The following SLC44A5 variants were observed in gnomAD, a reference collection of about 807,000 sequenced individuals.
The protein encoded by SLC44A5 is solute carrier family 44 member 5.
SLC44A5 carries 57 observed loss-of-function variants against 101.8 expected under a neutral mutation model. That is an observed-to-expected ratio of 0.56 (90% CI 0.45 to 0.70). The LOEUF (loss-of-function observed/expected upper bound fraction) is 0.70. Among genes scored for constraint, SLC44A5 ranks in the 30% least tolerant of loss-of-function variants. The probability of loss-of-function intolerance (pLI) is 0.00; values close to 1 mark genes in which losing one functional copy is unlikely to be tolerated. For missense variants in SLC44A5, 737 were observed against 853.1 expected (o/e 0.86, Z 1.70); for synonymous variants, 281 against 290.9 (o/e 0.97, Z 0.35).
At chr1:75,448,325 C>G (rs1466929946) in intron 2 of SLC44A5, among the ~76,000 whole-genome samples, 1 of 152,124 alleles carries the variant, frequency 6.6e-6, no homozygotes, top group Non-Finnish European at 1.5e-5. Context: ...CATGTCCCAG[C>G]CCATGGGAAG....
chr1:75,238,004 G>C (rs2100586877), intron 10 of SLC44A5, among the ~76,000 whole-genome samples: 1 of 150,816 alleles, frequency 6.6e-6, no homozygotes, highest in South Asian at 2.1e-4. Context: ...TGTGTGTAGA[G>C]CCAAGGGACG....
At chr1:75,614,849 GC>G (rs1488870789), upstream of SLC44A5, among the ~76,000 whole-genome samples, 3 of 152,096 alleles carry the variant, frequency 2.0e-5, no homozygotes, top group African/African-American at 7.2e-5. Flanking sequence ...ATGGTGTCGA[GC>G]CCACTTCCAC....
intron 18 of SLC44A5, among the ~76,000 whole-genome samples, chr1:75,216,815 C>T (rs920318051): frequency 1.3e-5 from 2 of 151,854 alleles, no homozygotes; most frequent in African/African-American, 4.8e-5. Context: ...TATTATTTTG[C>T]TGTTGAGTTG....
At chr1:75,450,371 A>G (rs1362621175) in intron 2 of SLC44A5, among the ~76,000 whole-genome samples, 1 of 152,194 alleles carries the variant, frequency 6.6e-6, no homozygotes, top group African/African-American at 2.4e-5. Context: ...GTTGAGAGCT[A>G]GATGTCATTT....
chr1:75,492,229 T>C (rs1347320874), intron 2 of SLC44A5, among the ~76,000 whole-genome samples: 1 of 152,198 alleles, frequency 6.6e-6, no homozygotes, highest in East Asian at 1.9e-4. Context: ...ACATCATGTG[T>C]AACATTTCAA....
At chr1:75,677,843 T>C in the SLC44A5 span, 3 of 380,352 alleles carry the variant, frequency 7.9e-6, no homozygotes, top group South Asian at 3.9e-5. Context: ...CATTTCCATC[T>C]GAGGTACCGG....
intron 4 of SLC44A5, among the ~76,000 whole-genome samples, chr1:75,339,102 C>T (rs1252244070): frequency 6.6e-6 from 1 of 152,182 alleles, no homozygotes; most frequent in Admixed American, 6.5e-5. Flanking sequence ...TTTAAACTAT[C>T]TTAAAGTGCA....
intron 2 of SLC44A5, among the ~76,000 whole-genome samples, chr1:75,466,554 G>A (rs912103360): frequency 2.6e-5 from 4 of 151,638 alleles, no homozygotes; most frequent in Non-Finnish European, 5.9e-5. Context: ...TACTTGGGGG[G>A]CCAAAGCAGG....
At chr1:75,683,631 A>T in the SLC44A5 span, among the ~76,000 whole-genome samples, 1 of 152,304 alleles carries the variant, frequency 6.6e-6, no homozygotes, top group South Asian at 2.1e-4. Flanking sequence ...GGGGAGGGAT[A>T]GCATTGGGAG....
chr1:75,658,122 T>C, the SLC44A5 span, among the ~76,000 whole-genome samples: 1 of 152,130 alleles, frequency 6.6e-6, no homozygotes, highest in African/African-American at 2.4e-5. Context: ...ACAGGGTCTT[T>C]CTCTGTCACC....
chr1:75,282,023 G>A (rs1652640014), intron 5 of SLC44A5, among the ~76,000 whole-genome samples: 1 of 152,138 alleles, frequency 6.6e-6, no homozygotes, highest in Non-Finnish European at 1.5e-5. Context: ...CAGAATGGTA[G>A]GTTCACCAAC....
At chr1:75,697,956 A>G in the SLC44A5 span, among the ~76,000 whole-genome samples, 2 of 152,262 alleles carry the variant, frequency 1.3e-5, no homozygotes, top group South Asian at 2.1e-4. Flanking sequence ...GGCTTAAAAA[A>G]CCATGCACCA....
chr1:75,468,991 A>G (rs1330060269), intron 2 of SLC44A5, among the ~76,000 whole-genome samples: 1 of 152,228 alleles, frequency 6.6e-6, no homozygotes, highest in Non-Finnish European at 1.5e-5. Context: ...AAAATTAAAA[A>G]TGTATATATA....
At chr1:75,303,664 A>G (rs761769730) in intron 4 of SLC44A5, among the ~76,000 whole-genome samples, 1 of 152,204 alleles carries the variant, frequency 6.6e-6, no homozygotes, top group Non-Finnish European at 1.5e-5. Flanking sequence ...CCAAGGAAAC[A>G]CTAAAGCATC....
chr1:75,395,372 T>C (rs1455558235), intron 3 of SLC44A5, among the ~76,000 whole-genome samples: 2 of 152,142 alleles, frequency 1.3e-5, no homozygotes, highest in African/African-American at 4.8e-5. Flanking sequence ...CTGATACATT[T>C]TTTACCTTTT....
chr1:75,223,978 CT>C (rs1647143797), intron 13 of SLC44A5, among the ~76,000 whole-genome samples: 1 of 152,128 alleles, frequency 6.6e-6, no homozygotes, highest in Non-Finnish European at 1.5e-5. Context: ...TTAAAAAACC[CT>C]CTATATCTAA....
rs1387084806 is a variant in SLC44A5 at position 75,202,691 on chromosome 1, A to C, written c.*1036T>G. 6.6e-6 allele frequency: 1 copy of C among 152,208 alleles called. No homozygotes were observed. Among genetic ancestry groups the C allele is most frequent in the Non-Finnish European group, 1.5e-5 (1 of 68,028 alleles). 9.4% of individuals were successfully genotyped at this position (152,208 alleles called of 1,614,324 possible). ...ATGATCATTTAAAAGGGAGCTATTC[A>C]GTACATGACATCTGTGAGCACCCTT... On this transcript the variant is annotated 3_prime_UTR_variant, in exon 24 of 24. Transcript: ENST00000370859.
chr1:75,474,465 TCTC>T (rs2101742021), intron 2 of SLC44A5, among the ~76,000 whole-genome samples: 1 of 152,328 alleles, frequency 6.6e-6, no homozygotes, highest in South Asian at 2.1e-4. Flanking sequence ...ATGCCAATAT[TCTC>T]CTCTGACTTT....
At chr1:75,333,345 GATTA>G (rs1253166842) in intron 4 of SLC44A5, among the ~76,000 whole-genome samples, 2 of 152,116 alleles carry the variant, frequency 1.3e-5, no homozygotes, top group Non-Finnish European at 2.9e-5. Context: ...GGCCTAATGT[GATTA>G]ATTATTTATT....
Sources: allele counts gnomAD v4.1 joint callset (sites outside exome capture counted in the v4.1 genomes callset), GRCh38; gene constraint gnomAD v4.1.1; transcripts MANE v1.5; gene names NCBI Gene and HGNC (gene_info 2026-07-23, HGNC 2026-07-21).